Variants in MYOZ2 observed in about 807,000 individuals in gnomAD.
MYOZ2 encodes myozenin 2.
In MYOZ2, 19 loss-of-function variants were observed where a neutral mutation model predicts 25.4. That is an observed-to-expected ratio of 0.75 (90% CI 0.52 to 1.10). The LOEUF is 1.10. Ranked by LOEUF, MYOZ2 falls within the 50% of genes least tolerant of loss-of-function variation. MYOZ2 has a pLI of 0.00. For missense variants in MYOZ2, 270 were observed against 317.9 expected, an observed-to-expected ratio of 0.85 and a Z score of 1.15; for synonymous variants, 92 against 106.9, an observed-to-expected ratio of 0.86 and a Z score of 0.86.
At chr4:119,142,718 A>T (rs1741184961) in intron 2 of MYOZ2, among the ~76,000 whole-genome samples, 1 of 152,260 alleles carries the variant, frequency 6.6e-6, no homozygotes, top group East Asian at 1.9e-4. Flanking sequence ...AGGAAGAAGT[A>T]TAAAAATTTT....
rs148081791 is a variant in MYOZ2, at chr4:119,145,432, C to G, written c.77-5440C>G. 4.0e-5 allele frequency among the ~76,000 whole-genome samples: 6 copies of G among 149,052 alleles called. No individual in the cohort carries two copies. In the East Asian group the frequency reaches 1.2e-3, roughly 30 times the overall value. ...TGATCTCAGCTCACTGCAACCACCT[C>G]CCAGGCTCAACTGATCCTTCCACCT... On this transcript the variant is annotated intron_variant, in intron 2 of 5. Coordinates refer to ENST00000307128, the MANE Select transcript of MYOZ2 (RefSeq NM_016599.5).
chr4:119,157,922 T>A, intron 3 of MYOZ2, 100 bp from the exon 4 acceptor site: 1 of 1,447,368 alleles, frequency 6.9e-7, no homozygotes, highest in South Asian at 1.2e-5. Context: ...GACATTGCAT[T>A]TAAATTATAA....
chr4:119,169,357 G>A (rs994064636), intron 5 of MYOZ2, among the ~76,000 whole-genome samples: 11 of 152,092 alleles, frequency 7.2e-5, no homozygotes, highest in Non-Finnish European at 1.6e-4. Flanking sequence ...TCCAAAGTAC[G>A]CCTGTAATTA....
chr4:119,181,016 A>AT (rs1742177095), intron 5 of MYOZ2, among the ~76,000 whole-genome samples: 1 of 152,124 alleles, frequency 6.6e-6, no homozygotes, highest in Non-Finnish European at 1.5e-5. Flanking sequence ...ATACATATAT[A>AT]TTTTTTACAT....
chr4:119,171,476 C>T (rs985211524), intron 5 of MYOZ2, among the ~76,000 whole-genome samples: 8 of 151,760 alleles, frequency 5.3e-5, no homozygotes, highest in African/African-American at 1.9e-4. Flanking sequence ...TCTTTATAAA[C>T]TAAATGTGAC....
At position 119,175,834 on chromosome 4, in the gene MYOZ2, C is replaced by T. The variant is rs144155557; in HGVS notation, c.561-10132C>T. On this transcript the variant is annotated intron_variant, in intron 5 of 5. Transcript: ENST00000307128. ...CCCCACATTTATTTATTTCAAAGGG[C>T]CATGTTTGGTTTGATCCTCTGCTGT... 9.1e-3 allele frequency among the ~76,000 whole-genome samples: 1,380 copies of T among 152,046 alleles called. 6 individuals are homozygous for T. Among genetic ancestry groups the T allele is most frequent in the Non-Finnish European group, 0.014 (966 of 67,996 alleles).
At chr4:119,170,284 T>TTG (rs1491309743) in intron 5 of MYOZ2, among the ~76,000 whole-genome samples, 3 of 58,216 alleles carry the variant, frequency 5.2e-5, no homozygotes, top group African/African-American at 1.2e-4. Context: ...GTATTTGTTG[T>TTG]TTTTTTTTTT....
intron 5 of MYOZ2, among the ~76,000 whole-genome samples, chr4:119,185,643 G>A (rs1486299401): frequency 6.6e-6 from 1 of 152,184 alleles, no homozygotes; most frequent in Admixed American, 6.5e-5. Flanking sequence ...GGGAAATATT[G>A]TTGGTAAAAG....
intron 5 of MYOZ2, among the ~76,000 whole-genome samples, chr4:119,184,382 G>A (rs761279984): frequency 9.2e-5 from 14 of 152,102 alleles, no homozygotes; most frequent in Non-Finnish European, 1.8e-4. Flanking sequence ...TAGGGTTCTT[G>A]GCATTAGCTA....
At chr4:119,185,939 ATC>A (rs747226592) in intron 5 of MYOZ2, 25 bp from the exon 6 acceptor site, 48 of 1,531,098 alleles carry the variant, frequency 3.1e-5, no homozygotes, top group Middle Eastern at 3.4e-4. Flanking sequence ...ATTAATTGAG[ATC>A]TGTTTTTTTT....
chr4:119,169,090 C>A (rs1451626821), intron 5 of MYOZ2, among the ~76,000 whole-genome samples: 1 of 144,948 alleles, frequency 6.9e-6, no homozygotes, highest in Admixed American at 7.1e-5. Context: ...ATGGCAATCA[C>A]TCCACCAACA....
At chr4:119,136,691 C>A in intron 2 of MYOZ2, 90 bp downstream of exon 2, 2 of 1,333,968 alleles carry the variant, frequency 1.5e-6, no homozygotes, top group Non-Finnish European at 2.1e-6. Flanking sequence ...AGTTTACTTC[C>A]TTTAGATTCT....
intron 2 of MYOZ2, among the ~76,000 whole-genome samples, chr4:119,146,234 C>G (rs1043502009): frequency 2.0e-5 from 3 of 150,968 alleles, no homozygotes; most frequent in African/African-American, 7.3e-5. Flanking sequence ...GGTTTCTGCT[C>G]TTATCTTTAC....
intron 4 of MYOZ2, among the ~76,000 whole-genome samples, chr4:119,158,791 ACT>A (rs1741643927): frequency 1.3e-5 from 2 of 152,124 alleles, no homozygotes; most frequent in African/African-American, 4.8e-5. Flanking sequence ...TTTCGCAGTA[ACT>A]CTATGACATA....
chr4:119,183,553 C>A (rs1742230804), intron 5 of MYOZ2, among the ~76,000 whole-genome samples: 1 of 152,156 alleles, frequency 6.6e-6, no homozygotes, highest in African/African-American at 2.4e-5. Context: ...GATGTCTAAT[C>A]GTGTTTTCCA....
chr4:119,157,332 T>G (rs1233259279), intron 3 of MYOZ2, among the ~76,000 whole-genome samples: 1 of 152,172 alleles, frequency 6.6e-6, no homozygotes, highest in Non-Finnish European at 1.5e-5. Flanking sequence ...TTTCTTAAAA[T>G]GCAAACTGAA....
chr4:119,150,230 A>AAATC (rs1478091609), intron 2 of MYOZ2, among the ~76,000 whole-genome samples: 1 of 152,228 alleles, frequency 6.6e-6, no homozygotes, highest in African/African-American at 2.4e-5. Context: ...AAATAAAACA[A>AAATC]AATCAAATAT....
At chr4:119,138,195 G>T (rs1009664496) in intron 2 of MYOZ2, among the ~76,000 whole-genome samples, 1 of 152,038 alleles carries the variant, frequency 6.6e-6, no homozygotes. Flanking sequence ...TCCTAGCCAC[G>T]TAAAGTCAGC....
rs551998252 is a variant in MYOZ2 at position 119,178,668 on chromosome 4, G to A, written c.561-7298G>A. Reference sequence around the variant, plus strand: ...GTCGCCCAGGCTGGAGTGCAGTGGTGCAATCTCAGCTCACTGCAATCTCTG... The same window carrying A: ...GTCGCCCAGGCTGGAGTGCAGTGGTACAATCTCAGCTCACTGCAATCTCTG... On this transcript the variant is annotated intron_variant, in intron 5 of 5. Transcript: ENST00000307128. Among the ~76,000 whole-genome samples the A allele has an allele frequency of 5.3e-5, 8 of 152,214 alleles. No homozygotes were observed. In the South Asian group the frequency reaches 1.7e-3, roughly 32 times the overall value.
Sources: gnomAD v4.1 joint callset for allele counts (sites outside exome capture counted in the v4.1 genomes callset) on GRCh38, gnomAD v4.1.1 for gene constraint, MANE v1.5 for transcripts, NCBI Gene and HGNC (gene_info 2026-07-23, HGNC 2026-07-21) for gene names.